Variants in HMGCLL1 observed in about 807,000 individuals in gnomAD.
HMGCLL1 encodes the protein 3-hydroxymethyl-3-methylglutaryl-CoA lyase, cytoplasmic.
A neutral mutation model predicts 39.1 loss-of-function variants in HMGCLL1; 36 were observed. That is an observed-to-expected ratio of 0.92 (90% CI 0.71 to 1.22). The LOEUF (loss-of-function observed/expected upper bound fraction) is 1.22, where lower values mean the gene tolerates loss of function less well. HMGCLL1 is among the 50% of genes most tolerant of loss of function. The pLI is 0.00. For synonymous variants in HMGCLL1, 149 were observed against 144.0 expected (o/e 1.03, Z -0.25); for missense variants, 451 against 416.5 (o/e 1.08, Z -0.72).
chr6:55,449,451 T>G (rs551668541), intron 7 of HMGCLL1, among the ~76,000 whole-genome samples: 2 of 152,334 alleles, frequency 1.3e-5, no homozygotes, highest in South Asian at 4.1e-4. Context: ...AACACACTCA[T>G]TTACCAGGAA....
At chr6:55,482,609 G>C (rs1236186617) in intron 7 of HMGCLL1, among the ~76,000 whole-genome samples, 1 of 152,036 alleles carries the variant, frequency 6.6e-6, no homozygotes, top group Non-Finnish European at 1.5e-5. Flanking sequence ...ACCTTCAACT[G>C]AAAGTCATGG....
the HMGCLL1 span, among the ~76,000 whole-genome samples, chr6:55,667,293 A>G: frequency 6.6e-6 from 1 of 151,774 alleles, no homozygotes; most frequent in Admixed American, 6.6e-5. Context: ...GCAAAAATAA[A>G]TGACTCTATT....
chr6:55,539,572 T>C (rs967308888), intron 3 of HMGCLL1, among the ~76,000 whole-genome samples: 4 of 151,862 alleles, frequency 2.6e-5, no homozygotes, highest in Non-Finnish European at 4.4e-5. Context: ...TTATCGAACA[T>C]ATTATCTAGC....
At chr6:55,445,678 A>G (rs1763798316) in intron 7 of HMGCLL1, among the ~76,000 whole-genome samples, 1 of 152,006 alleles carries the variant, frequency 6.6e-6, no homozygotes, top group Non-Finnish European at 1.5e-5. Flanking sequence ...GTGTGACTGT[A>G]TGTCTGTGTG....
chr6:55,652,779 T>C, the HMGCLL1 span, among the ~76,000 whole-genome samples: 7 of 152,074 alleles, frequency 4.6e-5, no homozygotes, highest in African/African-American at 1.4e-4. Context: ...AGGGCTGCCT[T>C]TGTCTTTCTT....
chr6:55,527,545 G>A (rs1164012431), intron 3 of HMGCLL1, among the ~76,000 whole-genome samples: 4 of 151,966 alleles, frequency 2.6e-5, no homozygotes, highest in South Asian at 2.1e-4. Flanking sequence ...AACCTAAAGC[G>A]ACTGCAATTT....
chr6:55,516,237 C>A (rs1421982101), intron 4 of HMGCLL1, among the ~76,000 whole-genome samples: 4 of 151,986 alleles, frequency 2.6e-5, no homozygotes, highest in Middle Eastern at 3.2e-3. Flanking sequence ...AGAAGAAGCA[C>A]AAAATATACT....
chr6:55,591,400 A>C, the HMGCLL1 span, among the ~76,000 whole-genome samples: 2 of 151,982 alleles, frequency 1.3e-5, no homozygotes, highest in African/African-American at 4.8e-5. Context: ...TCTTCGAAGC[A>C]AACTTGCAGA....
At chr6:55,436,005 G>C (rs1581777065) in intron 8 of HMGCLL1, among the ~76,000 whole-genome samples, 1 of 151,918 alleles carries the variant, frequency 6.6e-6, no homozygotes, top group East Asian at 1.9e-4. Flanking sequence ...AATATAGGTA[G>C]ACACACTTGA....
rs1409194321 is a variant in HMGCLL1, at chr6:55,434,906, CA to C, written c.*755del. The C allele has an allele frequency of 7.7e-4, 18 of 23,428 alleles. No individual in the cohort carries two copies. Among genetic ancestry groups the C allele is most frequent in the African/African-American group, 1.9e-3 (17 of 8,992 alleles). 1.5% of individuals were successfully genotyped at this position (23,428 alleles called of 1,614,324 possible). A position where few individuals can be genotyped will look rare whatever the true frequency, so the allele number is the denominator to read the frequency against. On this transcript the variant is annotated 3_prime_UTR_variant, in exon 9 of 9. Coordinates refer to ENST00000274901, the MANE Select transcript of HMGCLL1 (RefSeq NM_001042406.2). ...CCTATTCTTATCACTGCAATTTAGA[CA>C]TCAGGACAAAAAAAAATAGCTTACA...
At chr6:55,493,221 C>T (rs1766403729) in intron 7 of HMGCLL1, among the ~76,000 whole-genome samples, 1 of 152,000 alleles carries the variant, frequency 6.6e-6, no homozygotes, top group African/African-American at 2.4e-5. Context: ...AACCCTAAAC[C>T]CACAAAACGT....
At chr6:55,616,203 G>A in the HMGCLL1 span, among the ~76,000 whole-genome samples, 1 of 152,006 alleles carries the variant, frequency 6.6e-6, no homozygotes, top group Non-Finnish European at 1.5e-5. Context: ...TTTGCTATGG[G>A]ATTTGCTTTG....
At chr6:55,643,674 T>C in the HMGCLL1 span, among the ~76,000 whole-genome samples, 4 of 152,050 alleles carry the variant, frequency 2.6e-5, no homozygotes, top group Non-Finnish European at 4.4e-5. Flanking sequence ...AGTGTTTTTA[T>C]TTTTAGATCC....
At chr6:55,457,124 C>A (rs546985537) in intron 7 of HMGCLL1, among the ~76,000 whole-genome samples, 1 of 152,260 alleles carries the variant, frequency 6.6e-6, no homozygotes, top group African/African-American at 2.4e-5. Flanking sequence ...TGACTGATCC[C>A]AGAAAAATGT....
the HMGCLL1 span, among the ~76,000 whole-genome samples, chr6:55,614,977 T>TA: frequency 7.9e-5 from 12 of 151,848 alleles, no homozygotes; most frequent in Non-Finnish European, 1.5e-4. Context: ...CCCATCTCTT[T>TA]AAAAAAAAGT....
chr6:55,438,915 T>C (rs1763478305), intron 8 of HMGCLL1, among the ~76,000 whole-genome samples: 1 of 152,148 alleles, frequency 6.6e-6, no homozygotes, highest in Middle Eastern at 3.4e-3. Context: ...ACGTGACTTT[T>C]CCGGTACAAC....
upstream of HMGCLL1, among the ~76,000 whole-genome samples, chr6:55,582,476 T>TG (rs1468630200): frequency 1.3e-5 from 2 of 152,032 alleles, no homozygotes; most frequent in African/African-American, 4.8e-5. Context: ...CCTCTGGGGG[T>TG]GGGGGTAAGT....
chr6:55,521,075 G>A (rs1768014367), intron 3 of HMGCLL1, among the ~76,000 whole-genome samples: 1 of 152,038 alleles, frequency 6.6e-6, no homozygotes, highest in Non-Finnish European at 1.5e-5. Context: ...ATTAAACTGG[G>A]ATAGTTCACA....
chr6:55,457,082 T>G (rs1764356505), intron 7 of HMGCLL1, among the ~76,000 whole-genome samples: 1 of 152,220 alleles, frequency 6.6e-6, no homozygotes, highest in Non-Finnish European at 1.5e-5. Flanking sequence ...CTGTGTTTCC[T>G]ACATTCAATT....
Sources: allele counts gnomAD v4.1 joint callset (sites outside exome capture counted in the v4.1 genomes callset), GRCh38; gene constraint gnomAD v4.1.1; transcripts MANE v1.5; gene names NCBI Gene and HGNC (gene_info 2026-07-23, HGNC 2026-07-21).